Variants in TGFB2 observed in about 807,000 individuals in gnomAD.
TGFB2 encodes transforming growth factor beta-2 proprotein.
Under a neutral mutation model 42.7 loss-of-function variants are expected in TGFB2, and 13 were observed. That is an observed-to-expected ratio of 0.30 (90% CI 0.20 to 0.48). The LOEUF is 0.48. Ranked by LOEUF, TGFB2 falls within the 20% of genes least tolerant of loss-of-function variation. TGFB2 has a pLI of 0.99. For missense variants in TGFB2, 390 were observed against 517.5 expected (o/e 0.75, Z 2.39); for synonymous variants, 193 against 193.6 (o/e 1.00, Z 0.03).
intron 2 of TGFB2, among the ~76,000 whole-genome samples, chr1:218,430,674 TG>T (rs1052165732): frequency 6.6e-6 from 1 of 152,218 alleles, no homozygotes; most frequent in African/African-American, 2.4e-5. Context: ...CAGAGGATAG[TG>T]AGGTTGTGCC....
chr1:218,366,910 A>G lies in TGFB2; in HGVS notation c.346+19863A>G, dbSNP rs188760312. ...GTCCTTCAAGTGTGACCCTGAACCT[A>G]CAGCCCCTGTGGAGTTTTTGCCACG... is the stretch of plus-strand genomic sequence containing the variant. On this transcript the variant is annotated intron_variant, in intron 1 of 6. Coordinates refer to ENST00000366930, the MANE Select transcript of TGFB2 (RefSeq NM_003238.6). Among the ~76,000 whole-genome samples the G allele has an allele frequency of 1.1e-4, 17 of 152,352 alleles. No homozygotes were observed. The East Asian group carries it at 3.3e-3, about 29-fold the overall frequency.
rs200578504 is a variant in TGFB2, at chr1:218,437,301, A to G, written c.933-42A>G. 71 of 1,528,612 alleles carry G rather than the reference A, an allele frequency of 4.6e-5. 1 individual carries two copies. Among genetic ancestry groups the G allele is most frequent in the South Asian group, 1.2e-4 (9 of 76,936 alleles). 94.7% of individuals were successfully genotyped at this position (1,528,612 alleles called of 1,614,324 possible). ...GGTGGTAGAGTGAGGGTGGTGAATCAGCTTTAAAATCTCCATTGCTTTTTT... is the reference window on the plus strand; with the variant it reads ...GGTGGTAGAGTGAGGGTGGTGAATCGGCTTTAAAATCTCCATTGCTTTTTT... On this transcript the variant is annotated intron_variant, in intron 5 of 6. Transcript: ENST00000366930.
At chr1:218,405,026 A>G in intron 1 of TGFB2, 143 bp from the exon 2 acceptor site, 1 of 844,474 alleles carries the variant, frequency 1.2e-6, no homozygotes. Context: ...TTCTGGTTAC[A>G]TTGTTAATGG....
chr1:218,434,387 T>C lies in TGFB2; in HGVS notation c.693T>C (p.Phe231=). 3 of 1,614,072 alleles carry C rather than the reference T, an allele frequency of 1.9e-6. No individual in the cohort carries two copies. Among genetic ancestry groups the C allele is most frequent in the African/African-American group, 2.7e-5 (2 of 75,062 alleles). The change falls in exon 4 of 7, where the codon TTT becomes TTC. Residue 231 remains phenylalanine (F), a synonymous_variant. Transcript: ENST00000366930. ...KISLHCPCCT[F]VPSNNYIIPN... ...GCTTACACTGTCCCTGCTGCACTTT[T>C]GTACCATCTAATAATTACATCATCC...
chr1:218,435,911 C>A, intron 4 of TGFB2, 59 bp from the exon 5 acceptor site: 1 of 1,512,230 alleles, frequency 6.6e-7, no homozygotes. Context: ...AAAAATATGG[C>A]TGACTATATT....
intron 1 of TGFB2, among the ~76,000 whole-genome samples, chr1:218,387,493 T>A (rs1399676585): frequency 6.6e-6 from 1 of 152,140 alleles, no homozygotes; most frequent in African/African-American, 2.4e-5. Context: ...CTTTCTCACC[T>A]TGAACCCAGT....
At chr1:218,388,456 T>C (rs903046506) in intron 1 of TGFB2, among the ~76,000 whole-genome samples, 1 of 152,220 alleles carries the variant, frequency 6.6e-6, no homozygotes, top group Non-Finnish European at 1.5e-5. Flanking sequence ...GTCTCCGCTG[T>C]GCCCACTGAG....
At chr1:218,385,349 A>G (rs963601877) in intron 1 of TGFB2, among the ~76,000 whole-genome samples, 9 of 152,192 alleles carry the variant, frequency 5.9e-5, no homozygotes, top group African/African-American at 1.9e-4. Flanking sequence ...ATCATTTTGC[A>G]TTTAACAAAA....
intron 1 of TGFB2, among the ~76,000 whole-genome samples, chr1:218,373,147 CA>C (rs781049963): frequency 2.0e-5 from 3 of 152,160 alleles, no homozygotes; most frequent in Non-Finnish European, 4.4e-5. Context: ...CACTGCACTC[CA>C]CCCTGGGCAA....
intron 1 of TGFB2, among the ~76,000 whole-genome samples, chr1:218,350,344 A>G (rs1170576471): frequency 6.6e-6 from 1 of 152,134 alleles, no homozygotes; most frequent in African/African-American, 2.4e-5. Context: ...GGCAATGTCC[A>G]GAGACACTTT....
chr1:218,349,190 G>T lies in TGFB2; in HGVS notation c.346+2143G>T, dbSNP rs569814413. 2.2e-4 allele frequency among the ~76,000 whole-genome samples: 34 copies of T among 152,172 alleles called. No individual in the cohort carries two copies. In the South Asian group the frequency reaches 6.2e-3, roughly 28 times the overall value. On this transcript the variant is annotated intron_variant, in intron 1 of 6. Transcript: ENST00000366930. ...ATACAAAGAATACAGGCTTTAAAAA[G>T]TCTGTATTCTGTATGGAAGTTTAGG...
intron 1 of TGFB2, among the ~76,000 whole-genome samples, chr1:218,382,813 G>A (rs959628488): frequency 1.3e-5 from 2 of 152,126 alleles, no homozygotes; most frequent in African/African-American, 4.8e-5. Flanking sequence ...ACAAACTTCT[G>A]CTCCCAACAC....
chr1:218,358,467 C>A (rs1657107219), intron 1 of TGFB2, among the ~76,000 whole-genome samples: 1 of 151,682 alleles, frequency 6.6e-6, no homozygotes, highest in South Asian at 2.1e-4. Context: ...GGCTTAATCT[C>A]ATTTTCACTT....
At chr1:218,347,907 TA>T (rs1656742567) in intron 1 of TGFB2, among the ~76,000 whole-genome samples, 1 of 150,998 alleles carries the variant, frequency 6.6e-6, no homozygotes, top group Non-Finnish European at 1.5e-5. Flanking sequence ...AATGCATTCC[TA>T]AAACTCAGAG....
intron 1 of TGFB2, among the ~76,000 whole-genome samples, chr1:218,390,485 C>T (rs910298627): frequency 5.3e-5 from 8 of 152,022 alleles, no homozygotes; most frequent in African/African-American, 1.5e-4. Context: ...CCCAGTGTCC[C>T]GAGAGCAGGT....
intron 1 of TGFB2, among the ~76,000 whole-genome samples, chr1:218,370,399 G>T (rs985972039): frequency 8.5e-5 from 13 of 152,262 alleles, no homozygotes; most frequent in African/African-American, 2.9e-4. Flanking sequence ...ACCAAGAAAT[G>T]CTTAGTGTGG....
rs886038528 is a variant in TGFB2, at chr1:218,437,418, C to T, written c.1008C>T (p.His336=). The change falls in exon 6 of 7, where the codon CAC becomes CAT. Residue 336 remains histidine (H), a synonymous_variant. Coordinates refer to ENST00000366930, the MANE Select transcript of TGFB2 (RefSeq NM_003238.6). ...FKRDLGWKWI[H]EPKGYNANFC... Reference sequence around the variant, plus strand: ...GGGATCTAGGGTGGAAATGGATACACGAACCCAAAGGGTACAATGCCAACT... The same window carrying T: ...GGGATCTAGGGTGGAAATGGATACATGAACCCAAAGGGTACAATGCCAACT... The T allele has an allele frequency of 2.5e-5, 40 of 1,612,600 alleles. No individual in the cohort carries two copies. The highest frequency in any genetic ancestry group is 3.3e-4 in the Middle Eastern group (2 of 6,084).
In TGFB2 at chr1:218,429,020, A is replaced by G. The variant is rs180908550; in HGVS notation, c.511-5062A>G. Among the ~76,000 whole-genome samples the G allele has an allele frequency of 3.7e-3, 482 of 129,120 alleles. 3 individuals carry two copies. The highest frequency in any genetic ancestry group is 5.6e-3 in the Non-Finnish European group (363 of 65,102). 84.7% of individuals were successfully genotyped at this position (129,120 alleles called of 152,430 possible). ...TTCTGAGACAGAGTCTTGCTCTGTC[A>G]GCCAGGCTGGAGTGCAGTGGCACGA... On this transcript the variant is annotated intron_variant, in intron 2 of 6. Transcript: ENST00000366930.
intron 1 of TGFB2, among the ~76,000 whole-genome samples, chr1:218,388,810 G>A (rs928942875): frequency 1.3e-5 from 2 of 152,146 alleles, no homozygotes; most frequent in African/African-American, 2.4e-5. Flanking sequence ...GAGAAAAATC[G>A]CTCTTGTCAG....
Sources: allele counts gnomAD v4.1 joint callset (sites outside exome capture counted in the v4.1 genomes callset), GRCh38; gene constraint gnomAD v4.1.1; transcripts MANE v1.5; gene names NCBI Gene and HGNC (gene_info 2026-07-23, HGNC 2026-07-21).